Variants in SDK1 observed in about 807,000 individuals in gnomAD.
The protein encoded by SDK1 is protein sidekick-1.
In SDK1, 157 loss-of-function variants were observed where a neutral mutation model predicts 245.5. The ratio of observed to expected loss-of-function variants is 0.64; its 90% CI spans 0.56 to 0.73. The LOEUF is 0.73. Ranked by LOEUF, SDK1 falls within the 30% of genes least tolerant of loss-of-function variation. SDK1 has a pLI of 0.00. For synonymous variants in SDK1, 1,647 were observed against 1,278.5 expected (o/e 1.29, Z -6.15); for missense variants, 3,583 against 3,002.3 (o/e 1.19, Z -4.52).
intron 4 of SDK1, among the ~76,000 whole-genome samples, chr7:3,819,795 A>G (rs1317274277): frequency 1.3e-5 from 2 of 152,220 alleles, no homozygotes; most frequent in Admixed American, 6.5e-5. Flanking sequence ...ATAACTTCTT[A>G]AGATAATTTT....
intron 1 of SDK1, among the ~76,000 whole-genome samples, chr7:3,492,540 G>T (rs796261565): frequency 2.9e-4 from 44 of 152,322 alleles, no homozygotes; most frequent in African/African-American, 1.0e-3. Flanking sequence ...ACGGATGTCA[G>T]TGAAATTGGG....
At chr7:3,770,286 A>G (rs188418034) in intron 4 of SDK1, among the ~76,000 whole-genome samples, 3 of 152,272 alleles carry the variant, frequency 2.0e-5, no homozygotes, top group Admixed American at 6.5e-5. Context: ...GGCTATACGT[A>G]TTAATAACTC....
intron 4 of SDK1, among the ~76,000 whole-genome samples, chr7:3,752,669 T>C (rs1475949257): frequency 3.3e-5 from 5 of 152,198 alleles, no homozygotes; most frequent in Admixed American, 2.6e-4. Context: ...TTTTTCCTCA[T>C]CCTCTAACCC....
chr7:3,413,314 G>A (rs1400790558), intron 1 of SDK1, among the ~76,000 whole-genome samples: 2 of 152,274 alleles, frequency 1.3e-5, no homozygotes, highest in Non-Finnish European at 1.5e-5. Context: ...CTAAAGAGGG[G>A]CAGGGGTCAG....
intron 1 of SDK1, among the ~76,000 whole-genome samples, chr7:3,469,336 C>T (rs1781112825): frequency 6.6e-6 from 1 of 152,096 alleles, no homozygotes; most frequent in South Asian, 2.1e-4. Flanking sequence ...GAGGCTGAGG[C>T]AGGAGGATTG....
intron 4 of SDK1, among the ~76,000 whole-genome samples, chr7:3,784,187 G>A (rs1398548285): frequency 6.7e-6 from 1 of 149,286 alleles, no homozygotes; most frequent in Admixed American, 6.7e-5. Context: ...TCAAAGTGTT[G>A]GTATTACAGG....
At chr7:4,052,102 T>G (rs1468946936) in intron 19 of SDK1, among the ~76,000 whole-genome samples, 1 of 151,950 alleles carries the variant, frequency 6.6e-6, no homozygotes, top group African/African-American at 2.4e-5. Flanking sequence ...TGGCCACAGC[T>G]TTGGTCTTGC....
chr7:4,058,779 A>G (rs1458065777), intron 19 of SDK1, among the ~76,000 whole-genome samples: 2 of 152,216 alleles, frequency 1.3e-5, no homozygotes, highest in African/African-American at 4.8e-5. Context: ...AAAGAGAAAT[A>G]AAGTATTTCC....
chr7:3,821,537 A>T lies in SDK1; in HGVS notation c.801A>T (p.Lys267Asn), dbSNP rs1455774061. The T allele has an allele frequency of 6.2e-7, 1 of 1,613,910 alleles. No homozygotes were observed. Among genetic ancestry groups the T allele is most frequent in the Admixed American group, 1.7e-5 (1 of 59,998 alleles). The change falls in exon 5 of 45, where the codon AAA becomes AAT. Residue 267 changes from lysine to asparagine, a missense_variant. Transcript: ENST00000404826. ...ACTACGTGCAGGCCGTGAATGAGAA[A>T]AATGGAGAAAACAAGACAAGCCCAT... is the stretch of plus-strand genomic sequence containing the variant. The part of the protein sequence containing the change: ...GAYYVQAVNE[K>N]NGENKTSPFI...
intron 4 of SDK1, among the ~76,000 whole-genome samples, chr7:3,797,764 G>C (rs774356732): frequency 4.0e-4 from 61 of 152,036 alleles, no homozygotes; most frequent in Non-Finnish European, 7.2e-4. Context: ...CTAGTGAATG[G>C]TTCCTTGATG....
chr7:4,130,300 A>G (rs767261962), intron 27 of SDK1: 9 of 603,466 alleles, frequency 1.5e-5, no homozygotes, highest in Non-Finnish European at 2.0e-5. Context: ...TTACAGCCTA[A>G]TTATGAACCT....
At chr7:3,645,366 C>A (rs139947866) in intron 4 of SDK1, among the ~76,000 whole-genome samples, 13 of 152,308 alleles carry the variant, frequency 8.5e-5, no homozygotes, top group Non-Finnish European at 1.5e-4. Context: ...TACACTTTTA[C>A]AAGGCCCTTT....
chr7:3,533,484 G>A (rs910810683), intron 1 of SDK1, among the ~76,000 whole-genome samples: 1 of 152,164 alleles, frequency 6.6e-6, no homozygotes, highest in African/African-American at 2.4e-5. Flanking sequence ...AAGGGCTTAT[G>A]TTATAGGCAT....
intron 17 of SDK1, 104 bp downstream of exon 17, chr7:4,017,456 C>G: frequency 1.0e-6 from 1 of 997,612 alleles, no homozygotes; most frequent in Non-Finnish European, 1.4e-6. Context: ...AGAATCCAGT[C>G]CCCTAGGGAG....
At chr7:3,623,764 T>A (rs1782023381) in intron 2 of SDK1, among the ~76,000 whole-genome samples, 2 of 152,204 alleles carry the variant, frequency 1.3e-5, no homozygotes, top group Non-Finnish European at 2.9e-5. Context: ...AAGCCGAGAA[T>A]TTCTTAATGC....
intron 5 of SDK1, among the ~76,000 whole-genome samples, chr7:3,834,878 C>T (rs573755585): frequency 5.6e-4 from 85 of 152,208 alleles, no homozygotes; most frequent in Non-Finnish European, 1.0e-3. Flanking sequence ...GTCCCCTCTC[C>T]GTCCCTGGCA....
chr7:3,448,689 T>C (rs1780418805), intron 1 of SDK1, among the ~76,000 whole-genome samples: 2 of 152,218 alleles, frequency 1.3e-5, no homozygotes. Flanking sequence ...CCACTTATTA[T>C]GCTAATGCCA....
At chr7:3,437,017 C>T (rs1034858290) in intron 1 of SDK1, among the ~76,000 whole-genome samples, 2 of 152,124 alleles carry the variant, frequency 1.3e-5, no homozygotes, top group African/African-American at 2.4e-5. Context: ...TAAGGGGCAG[C>T]GGCTGCTCCT....
Position 3,669,324 on chromosome 7 carries a change from T to C in SDK1, c.713+27219T>C, listed in dbSNP as rs537886622. Among the ~76,000 whole-genome samples the C allele has an allele frequency of 5.3e-5, 8 of 152,296 alleles. No individual in the cohort carries two copies. In the South Asian group the frequency reaches 1.5e-3, roughly 28 times the overall value. On this transcript the variant is annotated intron_variant, in intron 4 of 44. Transcript: ENST00000404826. Reference sequence around the variant, plus strand: ...ACAGAAACAGATTAACTACAGACCTTGTTGCAGAATTTTTATATTTGGAAC... The same window carrying C: ...ACAGAAACAGATTAACTACAGACCTCGTTGCAGAATTTTTATATTTGGAAC...
Sources: allele counts gnomAD v4.1 joint callset (sites outside exome capture counted in the v4.1 genomes callset), GRCh38; gene constraint gnomAD v4.1.1; transcripts MANE v1.5; gene names NCBI Gene and HGNC (gene_info 2026-07-23, HGNC 2026-07-21).